Variants in LHPP observed in about 807,000 individuals in gnomAD.
LHPP encodes phospholysine phosphohistidine inorganic pyrophosphate phosphatase.
LHPP carries 24 observed loss-of-function variants against 30.3 expected under a neutral mutation model. That is an observed-to-expected ratio of 0.79 (90% CI 0.57 to 1.11). The LOEUF (loss-of-function observed/expected upper bound fraction) is 1.11. Among genes scored for constraint, LHPP ranks in the 50% most tolerant of loss-of-function variants. The probability of loss-of-function intolerance (pLI) is 0.00; values close to 1 mark genes in which losing one functional copy is unlikely to be tolerated. For synonymous variants in LHPP, 150 were observed against 157.1 expected (o/e 0.95, Z 0.34); for missense variants, 356 against 367.2 (o/e 0.97, Z 0.25).
chr10:124,559,891 G>A (rs1466117653), intron 6 of LHPP, among the ~76,000 whole-genome samples: 1 of 152,264 alleles, frequency 6.6e-6, no homozygotes, highest in African/African-American at 2.4e-5. Flanking sequence ...CACATTTTCA[G>A]CCAGCGCTGC....
chr10:124,527,789 T>G (rs928603978), intron 6 of LHPP, among the ~76,000 whole-genome samples: 2 of 152,028 alleles, frequency 1.3e-5, no homozygotes, highest in Non-Finnish European at 2.9e-5. Context: ...TTTTTTGTTT[T>G]TTTCTTTTTG....
At chr10:124,480,485 C>T (rs1479698370) in intron 1 of LHPP, among the ~76,000 whole-genome samples, 1 of 152,152 alleles carries the variant, frequency 6.6e-6, no homozygotes, top group South Asian at 2.1e-4. Flanking sequence ...ACTGTCACAT[C>T]GATTGCTCAC....
chr10:124,560,995 A>C (rs1190870842), intron 6 of LHPP, among the ~76,000 whole-genome samples: 1 of 152,174 alleles, frequency 6.6e-6, no homozygotes, highest in Admixed American at 6.5e-5. Flanking sequence ...AGAGGCTGAA[A>C]GGAAGAGAGG....
intron 6 of LHPP, among the ~76,000 whole-genome samples, chr10:124,564,184 C>T (rs958977357): frequency 8.0e-5 from 12 of 150,690 alleles, no homozygotes; most frequent in African/African-American, 2.9e-4. Flanking sequence ...AGTGCAGTGG[C>T]GCGATCTTGG....
intron 6 of LHPP, among the ~76,000 whole-genome samples, chr10:124,562,226 G>C (rs1183174335): frequency 2.0e-5 from 3 of 152,188 alleles, no homozygotes; most frequent in African/African-American, 7.2e-5. Context: ...AGGATCACCT[G>C]AGCCTGAAAG....
At position 124,527,161 on chromosome 10, in the gene LHPP, G is replaced by A. The variant is rs79920316; in HGVS notation, c.716+9890G>A. On this transcript the variant is annotated intron_variant, in intron 6 of 6. Transcript: ENST00000368842. ...CTGCTGCTCTGCGGCTCGGGGACACGGCCAGGGCTGGTGGCGCTTACAGCC... is the reference window on the plus strand; with the variant it reads ...CTGCTGCTCTGCGGCTCGGGGACACAGCCAGGGCTGGTGGCGCTTACAGCC... 4.7e-3 allele frequency among the ~76,000 whole-genome samples: 719 copies of A among 152,348 alleles called. 3 individuals are homozygous for A. Among genetic ancestry groups the A allele is most frequent in the African/African-American group, 0.016 (672 of 41,592 alleles).
chr10:124,594,791 C>T (rs931361414), intron 6 of LHPP, among the ~76,000 whole-genome samples: 15 of 152,010 alleles, frequency 9.9e-5, no homozygotes, highest in African/African-American at 3.6e-4. Flanking sequence ...CCACCACACC[C>T]GGCTAATTTT....
Position 124,540,010 on chromosome 10 carries a change from G to A in LHPP, c.716+22739G>A, listed in dbSNP as rs543975719. On this transcript the variant is annotated intron_variant, in intron 6 of 6. Coordinates refer to ENST00000368842, the MANE Select transcript of LHPP (RefSeq NM_022126.4). Reference sequence around the variant, plus strand: ...CCGCACTTCCTGGCACACAGCAAGGGTTCAGCAGTTACCCGCTTCTGCTCA... The same window carrying A: ...CCGCACTTCCTGGCACACAGCAAGGATTCAGCAGTTACCCGCTTCTGCTCA... Among the ~76,000 whole-genome samples the A allele has an allele frequency of 2.8e-3, 421 of 152,316 alleles. 1 individual carries two copies. Among genetic ancestry groups the A allele is most frequent in the African/African-American group, 9.9e-3 (411 of 41,562 alleles).
At position 124,478,197 on chromosome 10, in the gene LHPP, C is replaced by T. The variant is rs1222815834; in HGVS notation, c.126-5942C>T. On this transcript the variant is annotated intron_variant, in intron 1 of 6. Transcript: ENST00000368842. This position sits in a 1 kb window ranked among gnomAD's most constrained non-coding sequence, Gnocchi z 4.7. ...CACCAAGGGCTGTGTGGGCGCAGCT[C>T]GGAGGATGGGATCTGGCTGGGTGCA... Among the ~76,000 whole-genome samples the T allele has an allele frequency of 6.6e-6, 1 of 152,168 alleles. No homozygotes were observed. Among genetic ancestry groups the T allele is most frequent in the African/African-American group, 2.4e-5 (1 of 41,430 alleles).
At chr10:124,585,860 C>T (rs1948798235) in intron 6 of LHPP, among the ~76,000 whole-genome samples, 1 of 152,030 alleles carries the variant, frequency 6.6e-6, no homozygotes, top group Admixed American at 6.6e-5. Flanking sequence ...TCTTGGCTCA[C>T]TGCAACCTCT....
intron 6 of LHPP, among the ~76,000 whole-genome samples, chr10:124,542,939 C>T (rs1344938472): frequency 6.6e-6 from 1 of 152,198 alleles, no homozygotes; most frequent in African/African-American, 2.4e-5. Context: ...CCTGCCTGCC[C>T]ATGGCTCTTG....
At chr10:124,601,885 G>T (rs879600428) in intron 6 of LHPP, among the ~76,000 whole-genome samples, 1 of 152,234 alleles carries the variant, frequency 6.6e-6, no homozygotes, top group Admixed American at 6.5e-5. Flanking sequence ...GTGGCCCCAC[G>T]TGGAGCACCA....
At chr10:124,599,765 C>T (rs1343486684) in intron 6 of LHPP, among the ~76,000 whole-genome samples, 2 of 152,224 alleles carry the variant, frequency 1.3e-5, no homozygotes, top group Non-Finnish European at 2.9e-5. Context: ...TGCCCAGGAG[C>T]TGCGTCTGCA....
Position 124,576,984 on chromosome 10 carries a change from G to C in LHPP, c.717-36280G>C, listed in dbSNP as rs573555664. On this transcript the variant is annotated intron_variant, in intron 6 of 6. Transcript: ENST00000368842. This position sits in a 1 kb window ranked among gnomAD's most constrained non-coding sequence, Gnocchi z 4.2. ...TCAACAGCCACGACCCAGAAATAAAGTAGGCACTGTAATTTGCATTTTGAG... is the reference window on the plus strand; with the variant it reads ...TCAACAGCCACGACCCAGAAATAAACTAGGCACTGTAATTTGCATTTTGAG... 7.9e-5 allele frequency among the ~76,000 whole-genome samples: 12 copies of C among 152,314 alleles called. No homozygotes were observed. The highest frequency in any genetic ancestry group is 2.4e-4 in the African/African-American group (10 of 41,558).
rs544905954 is a variant in LHPP, at chr10:124,604,280, C to T, written c.717-8984C>T. 3.9e-5 allele frequency among the ~76,000 whole-genome samples: 6 copies of T among 152,302 alleles called. No homozygotes were observed. In the East Asian group the frequency reaches 7.7e-4, roughly 20 times the overall value. On this transcript the variant is annotated intron_variant, in intron 6 of 6. Transcript: ENST00000368842. ...ACCCCGTAAGGAGGCCACCGACCCT[C>T]GGGCACCTGCCAGGGACCCAGCTCA... is the stretch of plus-strand genomic sequence containing the variant.
chr10:124,521,495 A>G (rs1954611029), intron 6 of LHPP, among the ~76,000 whole-genome samples: 1 of 152,216 alleles, frequency 6.6e-6, no homozygotes, highest in Non-Finnish European at 1.5e-5. Context: ...AGGCCTCAAC[A>G]GGGGCCAATG....
Position 124,471,439 on chromosome 10 carries a change from A to ATG in LHPP, c.125+9453_125+9454insGT, listed in dbSNP as rs60110920. Among the ~76,000 whole-genome samples the ATG allele has an allele frequency of 3.5e-4, 15 of 42,788 alleles. 5 individuals carry two copies. Among genetic ancestry groups the ATG allele is most frequent in the African/African-American group, 9.2e-4 (11 of 11,960 alleles). The allele number at this position is 42,788 out of a possible 152,430, so 28.1% of individuals were successfully genotyped here. On this transcript the variant is annotated intron_variant, in intron 1 of 6. Transcript: ENST00000368842. ...TATATTATATATATATTTATATATT[A>ATG]TATATATTTATATATTTATATATAT...
chr10:124,461,890 G>GGCGT lies in LHPP; in HGVS notation c.32_35dup (p.Gly13AlafsTer6), dbSNP rs1952408204. 25 of 1,257,624 alleles carry GGCGT rather than the reference G, an allele frequency of 2.0e-5. No individual in the cohort carries two copies. Among genetic ancestry groups the GGCGT allele is most frequent in the Non-Finnish European group, 2.5e-5 (25 of 997,972 alleles). 77.9% of individuals were successfully genotyped at this position (1,257,624 alleles called of 1,614,324 possible). A position where few individuals can be genotyped will look rare whatever the true frequency, so the allele number is the denominator to read the frequency against. On this transcript the variant is annotated frameshift_variant, in exon 1 of 7. Transcript: ENST00000368842. LOFTEE classifies it high-confidence loss of function. ...GGCACCGTGGGGCAAGCGGCTGGCT[G>GGCGT]GCGTGCGCGGGGTGCTGCTTGACAT...
chr10:124,485,201 CA>C (rs1210103283), intron 2 of LHPP, among the ~76,000 whole-genome samples: 1 of 152,020 alleles, frequency 6.6e-6, no homozygotes, highest in Admixed American at 6.6e-5. Flanking sequence ...TCATGTTTCT[CA>C]AAATTCCTTC....
Sources: allele counts gnomAD v4.1 joint callset (sites outside exome capture counted in the v4.1 genomes callset), GRCh38; gene constraint gnomAD v4.1.1; non-coding constraint Gnocchi (gnomAD v3.1); transcripts MANE v1.5; gene names NCBI Gene and HGNC (gene_info 2026-07-23, HGNC 2026-07-21).